The following DIAPH2 variants were observed in gnomAD, a reference collection of about 807,000 sequenced individuals.
DIAPH2 encodes protein diaphanous homolog 2.
Under a neutral mutation model 92.7 loss-of-function variants are expected in DIAPH2, and 35 were observed. That is an observed-to-expected ratio of 0.38 (90% confidence interval 0.29 to 0.50). DIAPH2 has a LOEUF of 0.50. DIAPH2 is among the 20% of genes least tolerant of loss of function. DIAPH2 has a pLI of 0.94. For missense variants in DIAPH2, 701 were observed against 819.5 expected (o/e 0.86, Z 1.77); for synonymous variants, 301 against 280.4 (o/e 1.07, Z -0.73).
At chrX:97,430,161 G>A (rs1009540486) in intron 26 of DIAPH2, among the ~76,000 whole-genome samples, 1 of 111,833 alleles carries the variant, frequency 8.9e-6, no homozygotes, top group African/African-American at 3.2e-5. Flanking sequence ...AGACCGTTTT[G>A]GTTTTGCAGT....
At chrX:97,153,810 C>T (rs191461883) in intron 22 of DIAPH2, among the ~76,000 whole-genome samples, 48 of 110,924 alleles carry the variant, frequency 4.3e-4, no homozygotes, top group African/African-American at 1.5e-3. Context: ...TCATTGTCCC[C>T]CATTTAAAGG....
intron 21 of DIAPH2, among the ~76,000 whole-genome samples, chrX:97,139,401 C>T (rs1355419794): frequency 1.9e-5 from 2 of 106,978 alleles, no homozygotes; most frequent in African/African-American, 3.4e-5. Context: ...ACCCATTTGT[C>T]GTGATTTCCT....
intron 21 of DIAPH2, among the ~76,000 whole-genome samples, chrX:97,135,127 T>A (rs553209602): frequency 4.5e-5 from 5 of 112,115 alleles, no homozygotes; most frequent in South Asian, 3.7e-4. Flanking sequence ...TATTGTGGAA[T>A]AAGTGCTATA....
chrX:97,259,085 C>T (rs1270499829), intron 23 of DIAPH2, among the ~76,000 whole-genome samples: 1 of 109,934 alleles, frequency 9.1e-6, no homozygotes, highest in Non-Finnish European at 1.9e-5. Flanking sequence ...GAAAACCCGT[C>T]TCTACTAAAA....
rs1354066025 is a variant in DIAPH2 at position 96,853,880 on chromosome X, TATG to T, written c.448-27696_448-27694del. 4.5e-5 allele frequency among the ~76,000 whole-genome samples: 5 copies of T among 112,104 alleles called. No homozygotes were observed. In the East Asian group the frequency reaches 1.4e-3, roughly 31 times the overall value. ...AATGGAGGATAAGTTACTAGTCACATATGATACTGTGCATACGCTAGATTTAAA... is the reference window on the plus strand; with the variant it reads ...AATGGAGGATAAGTTACTAGTCACATATACTGTGCATACGCTAGATTTAAA... On this transcript the variant is annotated intron_variant, in intron 4 of 26. Coordinates refer to ENST00000324765, the MANE Select transcript of DIAPH2 (RefSeq NM_006729.5).
intron 17 of DIAPH2, among the ~76,000 whole-genome samples, chrX:97,018,453 A>G (rs1283765684): frequency 8.9e-6 from 1 of 112,323 alleles, no homozygotes; most frequent in Non-Finnish European, 1.9e-5. Flanking sequence ...TTGCGACAGC[A>G]TTGCCAGTAG....
chrX:96,962,341 A>G (rs1165539302), intron 16 of DIAPH2, among the ~76,000 whole-genome samples: 1 of 63,634 alleles, frequency 1.6e-5, no homozygotes, highest in East Asian at 4.0e-4. Context: ...ATATATACAT[A>G]TATATATATA....
chrX:96,882,958 C>G (rs770700097), intron 5 of DIAPH2, among the ~76,000 whole-genome samples: 14 of 8,776 alleles, frequency 1.6e-3, no homozygotes, highest in Admixed American at 2.3e-3. Context: ...GACCCTGTCT[C>G]CAAAAAAAAA....
intron 22 of DIAPH2, among the ~76,000 whole-genome samples, chrX:97,185,991 T>C (rs1260299996): frequency 9.0e-6 from 1 of 111,200 alleles, no homozygotes; most frequent in Non-Finnish European, 1.9e-5. Context: ...ACGAAAAACC[T>C]CATTCCTTTT....
At chrX:96,725,997 C>T (rs1377493337) in intron 1 of DIAPH2, among the ~76,000 whole-genome samples, 1 of 111,760 alleles carries the variant, frequency 8.9e-6, no homozygotes, top group Non-Finnish European at 1.9e-5. Context: ...GAGTGATAAT[C>T]ATAGCCATTT....
At chrX:96,913,741 G>A (rs769312679) in intron 7 of DIAPH2, among the ~76,000 whole-genome samples, 2 of 110,672 alleles carry the variant, frequency 1.8e-5, no homozygotes, top group Non-Finnish European at 3.8e-5. Context: ...AGACATCTCT[G>A]AAAAATTGCA....
intron 17 of DIAPH2, among the ~76,000 whole-genome samples, chrX:97,003,769 CTGATTG>C (rs1316616147): frequency 1.8e-5 from 2 of 111,616 alleles, no homozygotes; most frequent in African/African-American, 6.5e-5. Context: ...CTTTACTTTG[CTGATTG>C]TTTCATTTGC....
intron 26 of DIAPH2, among the ~76,000 whole-genome samples, chrX:97,506,669 A>G (rs999207538): frequency 9.1e-6 from 1 of 110,438 alleles, no homozygotes; most frequent in African/African-American, 3.3e-5. Flanking sequence ...AGTCATGTCC[A>G]AGAGTCAGTT....
At chrX:96,903,267 A>C (rs1335682419) in intron 5 of DIAPH2, among the ~76,000 whole-genome samples, 4 of 111,950 alleles carry the variant, frequency 3.6e-5, no homozygotes, top group Non-Finnish European at 7.5e-5. Flanking sequence ...ATTGCATTCA[A>C]ATAACTTCTT....
At chrX:97,453,880 A>G (rs1393839950) in intron 26 of DIAPH2, 1 of 111,564 alleles carries the variant, frequency 9.0e-6, no homozygotes, top group East Asian at 2.8e-4. Flanking sequence ...GAAAGCTGCT[A>G]GGTCAGGCTC....
rs371110121 is a variant in DIAPH2 at position 97,351,767 on chromosome X, T to C, written c.3009+3487T>C. Reference sequence around the variant, plus strand: ...GCAGTGAGCCAAGATCACGCCACTGTACTCCAGCCTGGGCGACAGAGAGAG... The same window carrying C: ...GCAGTGAGCCAAGATCACGCCACTGCACTCCAGCCTGGGCGACAGAGAGAG... On this transcript the variant is annotated intron_variant, in intron 24 of 26. Transcript: ENST00000324765. Among the ~76,000 whole-genome samples, 166 of 110,481 alleles carry C rather than the reference T, an allele frequency of 1.5e-3. 3 individuals are homozygous for C. The highest frequency in any genetic ancestry group is 3.8e-3 in the African/African-American group (117 of 30,675).
chrX:96,784,578 A>G (rs1345374943), intron 4 of DIAPH2, among the ~76,000 whole-genome samples: 1 of 112,252 alleles, frequency 8.9e-6, no homozygotes, highest in Non-Finnish European at 1.9e-5. Context: ...GCTTTAAAAA[A>G]GTGTGCAGTT....
chrX:97,239,254 A>G (rs1296058063), intron 22 of DIAPH2, among the ~76,000 whole-genome samples: 2 of 111,864 alleles, frequency 1.8e-5, no homozygotes, highest in Admixed American at 9.6e-5. Flanking sequence ...TAAAATATGT[A>G]TCTTATACTT....
Position 97,546,578 on chromosome X carries a change from G to A in DIAPH2, c.3242-52675G>A, listed in dbSNP as rs777053889. 1.7e-4 allele frequency among the ~76,000 whole-genome samples: 19 copies of A among 111,968 alleles called. No individual in the cohort carries two copies. The East Asian group carries it at 5.0e-3, about 30-fold the overall frequency. On this transcript the variant is annotated intron_variant, in intron 26 of 26. Coordinates refer to ENST00000324765, the MANE Select transcript of DIAPH2 (RefSeq NM_006729.5). ...TCGCTGGGAGTGGCAGCTCACGCCT[G>A]TAATCCTGGCACTTTGGGAGGCTAA...
Sources: gnomAD v4.1 joint callset for allele counts (sites outside exome capture counted in the v4.1 genomes callset) on GRCh38, gnomAD v4.1.1 for gene constraint, MANE v1.5 for transcripts, NCBI Gene and HGNC (gene_info 2026-07-23, HGNC 2026-07-21) for gene names.